DDX5: variants seen among roughly 807,000 people sequenced by gnomAD.
DDX5 encodes DEAD-box helicase 5.
In DDX5, 6 loss-of-function variants were observed where a neutral mutation model predicts 68.6. That is an observed-to-expected ratio of 0.09 (90% CI 0.05 to 0.17). The LOEUF (loss-of-function observed/expected upper bound fraction) is 0.17. DDX5 is among the 10% of genes least tolerant of loss of function. The pLI, the probability that DDX5 is intolerant of heterozygous loss-of-function variation, is 1.00. For missense variants in DDX5, 499 were observed against 756.1 expected (o/e 0.66, Z 3.99); for synonymous variants, 350 against 247.0 (o/e 1.42, Z -3.91).
At chr17:64,506,426 C>A (rs1224146967), upstream of DDX5, 3 of 1,373,124 alleles carry the variant, frequency 2.2e-6, no homozygotes, top group Non-Finnish European at 9.4e-7. Context: ...TCCAGGATCG[C>A]CGCGCTTTCA....
rs2038313131 is a variant in DDX5, at chr17:64,502,158, T to G, written c.1156+4A>C. On this transcript the variant is annotated splice_donor_region_variant and intron_variant, in intron 10 of 12. Transcript: ENST00000225792. ...GGGAAAAATACTTCATTTGAAATAT[T>G]TACCATTTAGAACCCAGTCACGCTC... 1 of 1,613,968 alleles carries G rather than the reference T, an allele frequency of 6.2e-7. No individual in the cohort carries two copies. Among genetic ancestry groups the G allele is most frequent in the Non-Finnish European group, 8.5e-7 (1 of 1,180,010 alleles).
Position 64,503,812 on chromosome 17 carries a change from A to G in DDX5, c.498T>C (p.Asp166=), listed in dbSNP as rs782329022. 2 of 1,614,152 alleles carry G rather than the reference A, an allele frequency of 1.2e-6. No individual in the cohort carries two copies. The highest frequency in any genetic ancestry group is 2.2e-5 in the South Asian group (2 of 91,074). The part of the protein sequence containing the change: ...INHQPFLERG[D]GPICLVLAPT... ...AAAAATATATACTTACAATAGGCCC[A>G]TCGCCTCTCTCTAGGAATGGCTGAT... is the stretch of plus-strand genomic sequence containing the variant. Residue 166 remains aspartate, a synonymous_variant, in exon 5 of 13, where the codon GAT becomes GAC. Transcript: ENST00000225792.
At chr17:64,506,019 G>GGGGGCCCC in intron 1 of DDX5, 57 bp downstream of exon 1, 1 of 1,360,444 alleles carries the variant, frequency 7.4e-7, no homozygotes, top group Non-Finnish European at 1.0e-6. Flanking sequence ...CCGCCACCCT[G>GGGGGCCCC]ACCCGCCCTC....
intron 5 of DDX5, 103 bp downstream of exon 5, chr17:64,503,700 G>A (rs527273750): frequency 7.2e-6 from 11 of 1,523,938 alleles, no homozygotes; most frequent in East Asian, 2.3e-5. Context: ...AATAGGGTGA[G>A]CTAACCTCTA....
At chr17:64,501,920 T>C in intron 11 of DDX5, 90 bp downstream of exon 11, 7 of 1,340,350 alleles carry the variant, frequency 5.2e-6, no homozygotes, top group Non-Finnish European at 7.4e-6. Flanking sequence ...TTAGAAAAAA[T>C]GCAGGTTAAA....
chr17:64,504,955 G>T, intron 1 of DDX5, 113 bp from the exon 2 acceptor site: 1 of 973,970 alleles, frequency 1.0e-6, no homozygotes. Context: ...ACTTCGAGAG[G>T]TAAACCTAGC....
In DDX5 at chr17:64,498,894, C is replaced by T. The variant is rs1342974114; in HGVS notation, c.*1029G>A. ...ACTGTGCTTTTGGTTACGTTGCCTC[C>T]TGATTAGTCATTAATTTTAATGAGG... On this transcript the variant is annotated 3_prime_UTR_variant, in exon 13 of 13. Transcript: ENST00000225792. Among the ~76,000 whole-genome samples, 2 of 152,132 alleles carry T rather than the reference C, an allele frequency of 1.3e-5. No homozygotes were observed. Among genetic ancestry groups the T allele is most frequent in the Non-Finnish European group, 2.9e-5 (2 of 68,030 alleles).
chr17:64,504,167 A>C, intron 3 of DDX5, 51 bp from the exon 4 acceptor site: 1 of 1,612,558 alleles, frequency 6.2e-7, no homozygotes, highest in Non-Finnish European at 8.5e-7. Context: ...CAAGAAAAAG[A>C]GGGGGTAGGT....
At chr17:64,505,781 C>G in intron 1 of DDX5, 1 of 1,536,182 alleles carries the variant, frequency 6.5e-7, no homozygotes, top group South Asian at 1.2e-5. Context: ...CGAAGCGTCC[C>G]GCTTTCATCC....
chr17:64,503,901 T>C (rs570635181), intron 4 of DDX5, 33 bp from the exon 5 acceptor site: 1 of 1,613,760 alleles, frequency 6.2e-7, no homozygotes, highest in Admixed American at 1.7e-5. Flanking sequence ...CAAACAGAAA[T>C]CACATTAAAA....
rs782594055 is a variant in DDX5 at position 64,503,965 on chromosome 17, G to C, written c.441+18C>G. 2 of 1,614,080 alleles carry C rather than the reference G, an allele frequency of 1.2e-6. No individual in the cohort carries two copies. Among genetic ancestry groups the C allele is most frequent in the African/African-American group, 2.7e-5 (2 of 75,018 alleles). ...TCTTGCATATATCAGATCAACTCAA[G>C]AGTTCTCCCAAACTTACAGACAATG... On this transcript the variant is annotated intron_variant, in intron 4 of 12. Coordinates refer to ENST00000225792, the MANE Select transcript of DDX5 (RefSeq NM_004396.5).
At chr17:64,500,817 T>G in intron 11 of DDX5, 44 bp from the exon 12 acceptor site, 1 of 1,417,040 alleles carries the variant, frequency 7.1e-7, no homozygotes, top group Non-Finnish European at 1.0e-6. Flanking sequence ...GTACGGAGTT[T>G]TGCACACCAC....
Position 64,499,531 on chromosome 17 carries a change from A to G in DDX5, c.*392T>C, listed in dbSNP as rs1189715265. On this transcript the variant is annotated 3_prime_UTR_variant, in exon 13 of 13. Transcript: ENST00000225792. ...CAGTCATTTGTTTTCATGGAAAAAA[A>G]AAACCAAACAAAAACAAAAAAAAAA... 4.6e-6 allele frequency: 1 copy of G among 216,948 alleles called. No individual in the cohort carries two copies. The highest frequency in any genetic ancestry group is 5.9e-5 in the Admixed American group (1 of 16,888). 13.4% of individuals were successfully genotyped at this position (216,948 alleles called of 1,614,324 possible).
Position 64,506,091 on chromosome 17 carries a change from C to A in DDX5, c.29G>T (p.Arg10Leu). 1 of 1,610,462 alleles carries A rather than the reference C, an allele frequency of 6.2e-7. No homozygotes were observed. The highest frequency in any genetic ancestry group is 8.5e-7 in the Non-Finnish European group (1 of 1,178,798). Residue 10 changes from arginine (R) to leucine (L), a missense_variant, in exon 1 of 13, where the codon CGC becomes CTC. Around this residue, in one of 5 missense-constraint regions of DDX5, gnomAD observed 140 missense variants for 135.7 expected, o/e 1.03. Coordinates refer to ENST00000225792, the MANE Select transcript of DDX5 (RefSeq NM_004396.5). ...CCAAACTCACCCTCGGTCCCGGCCG[C>A]GGTCTCGGTCACTCGAATAACCCGA... Reference protein sequence around the residue: MSGYSSDRDRGRDRGFGAPR... With the variant: MSGYSSDRDLGRDRGFGAPR...
intron 1 of DDX5, chr17:64,505,700 C>T: frequency 1.3e-6 from 2 of 1,528,896 alleles, no homozygotes; most frequent in Non-Finnish European, 1.8e-6. Flanking sequence ...CCCTCGCTCC[C>T]ACAGAATGCC....
At chr17:64,504,886 C>A (rs782127243) in intron 1 of DDX5, 44 bp from the exon 2 acceptor site, 3 of 1,565,340 alleles carry the variant, frequency 1.9e-6, no homozygotes, top group Admixed American at 4.0e-5. Flanking sequence ...AATGGCTATA[C>A]CCAGGTTTCT....
chr17:64,505,476 C>G, intron 1 of DDX5: 1 of 569,462 alleles, frequency 1.8e-6, no homozygotes, highest in Non-Finnish European at 3.1e-6. Context: ...GTCGGCCGGG[C>G]GGCGTTCCCG....
chr17:64,506,187 G>A lies in DDX5; in HGVS notation c.-68C>T, dbSNP rs781964265. 1.9e-6 allele frequency: 3 copies of A among 1,583,450 alleles called. No individual in the cohort carries two copies. The highest frequency in any genetic ancestry group is 1.8e-5 in the Admixed American group (1 of 54,772). ...AAGCGTGCGACAAGTCGCTGGAAAT[G>A]GCCTCGATGACGGCGAAGCCTTGCG... is the stretch of plus-strand genomic sequence containing the variant. On this transcript the variant is annotated 5_prime_UTR_variant, in exon 1 of 13. Coordinates refer to ENST00000225792, the MANE Select transcript of DDX5 (RefSeq NM_004396.5).
chr17:64,505,141 ACAC>A (rs1202387640), intron 1 of DDX5: 7 of 322,320 alleles, frequency 2.2e-5, no homozygotes, highest in Non-Finnish European at 1.7e-5. Flanking sequence ...ATTCTGGCAC[ACAC>A]CACTTCTTGT....
Sources: gnomAD v4.1 joint callset for allele counts (sites outside exome capture counted in the v4.1 genomes callset) on GRCh38, gnomAD v4.1.1 for gene constraint, gnomAD v4.1.1 regional missense constraint, MANE v1.5 for transcripts, NCBI Gene and HGNC (gene_info 2026-07-23, HGNC 2026-07-21) for gene names.